Variants in ADGRE5 observed in about 807,000 individuals in gnomAD.
ADGRE5 encodes adhesion G protein-coupled receptor E5, also known as CD97 molecule.
In ADGRE5, 72 loss-of-function variants were observed where a neutral mutation model predicts 100.3. The ratio of observed to expected loss-of-function variants is 0.72; its 90% CI spans 0.59 to 0.87. The LOEUF (loss-of-function observed/expected upper bound fraction) is 0.87, where lower values mean the gene tolerates loss of function less well. Among genes scored for constraint, ADGRE5 ranks in the 40% least tolerant of loss-of-function variants. ADGRE5 has a pLI of 0.00. For missense variants in ADGRE5, 959 were observed against 1,094.7 expected (o/e 0.88, Z 1.75); for synonymous variants, 439 against 447.8 (o/e 0.98, Z 0.25).
Position 14,406,405 on chromosome 19 carries a change from C to T in ADGRE5, c.1896C>T (p.Leu632=), listed in dbSNP as rs773386653. 6.3e-7 allele frequency: 1 copy of T among 1,593,168 alleles called. No homozygotes were observed. Among genetic ancestry groups the T allele is most frequent in the Non-Finnish European group, 8.5e-7 (1 of 1,170,472 alleles). ...CFLAAFCWMS[L]EGLELYFLVV... ...TGGCCGCCTTCTGCTGGATGAGCCT[C>T]GAAGGCCTGGAGCTCTACTTTCTTG... Residue 632 remains leucine, a synonymous_variant, in exon 15 of 20, where the codon CTC becomes CTT. Transcript: ENST00000242786. This position sits in a 1 kb window ranked among gnomAD's most constrained non-coding sequence, Gnocchi z 6.0.
In ADGRE5 at chr19:14,406,755, T is replaced by G. The variant is rs757181424; in HGVS notation, c.2104T>G (p.Phe702Val). 6.2e-7 allele frequency: 1 copy of G among 1,614,036 alleles called. No individual in the cohort carries two copies. The highest frequency in any genetic ancestry group is 2.2e-5 in the East Asian group (1 of 44,860). Residue 702 changes from phenylalanine (F) to valine (V), a missense_variant, in exon 16 of 20, where the codon TTC becomes GTC. Phe to Val is a conservative substitution (Grantham distance 50). Coordinates refer to ENST00000242786, the MANE Select transcript of ADGRE5 (RefSeq NM_078481.4). This position sits in a 1 kb window ranked among gnomAD's most constrained non-coding sequence, Gnocchi z 6.0. Reference sequence around the variant, plus strand: ...CTGGAGCTTCTTGGGACCTGTGACCTTCATCATTTTGGTAAGTACCCACTC... The same window carrying G: ...CTGGAGCTTCTTGGGACCTGTGACCGTCATCATTTTGGTAAGTACCCACTC... ...FLWSFLGPVT[F>V]IILCNAVIFV...
chr19:14,405,847 G>A lies in ADGRE5; in HGVS notation c.1729G>A (p.Gly577Ser). Residue 577 changes from glycine to serine, a missense_variant, in exon 14 of 20, where the codon GGC (glycine) becomes AGC (serine). Physicochemically the swap from Gly to Ser is moderately conservative, Grantham distance 56. Transcript: ENST00000242786. ...TTTCCTGCTGGTGCGGCCCATCCAGGGCTCGCGCACCACCATACACCTGCA... is the reference window on the plus strand; with the variant it reads ...TTTCCTGCTGGTGCGGCCCATCCAGAGCTCGCGCACCACCATACACCTGCA... The part of the protein sequence containing the change: ...LTFLLVRPIQ[G>S]SRTTIHLHLC... The A allele has an allele frequency of 6.2e-7, 1 of 1,613,358 alleles. No homozygotes were observed. Among genetic ancestry groups the A allele is most frequent in the Non-Finnish European group, 8.5e-7 (1 of 1,179,986 alleles).
chr19:14,399,563 C>CAAAAAAAAAAAA (rs764605166), intron 9 of ADGRE5, among the ~76,000 whole-genome samples: 1 of 31,826 alleles, frequency 3.1e-5, no homozygotes, highest in African/African-American at 9.8e-5. Context: ...GACTCCGTCT[C>CAAAAAAAAAAAA]AAAAAAAAAA....
Position 14,406,402 on chromosome 19 carries a change from C to G in ADGRE5, c.1893C>G (p.Ser631Arg). The G allele has an allele frequency of 6.3e-7, 1 of 1,592,944 alleles. No individual in the cohort carries two copies. Among genetic ancestry groups the G allele is most frequent in the Non-Finnish European group, 8.5e-7 (1 of 1,170,410 alleles). Residue 631 changes from serine to arginine, a missense_variant, in exon 15 of 20, where the codon AGC becomes AGG. Physicochemically the swap from Ser to Arg is moderately radical, Grantham distance 110 (BLOSUM62 -1). This residue lies in a region of ADGRE5 where 428 missense variants were observed against 386.2 expected (regional missense o/e 1.11). Coordinates refer to ENST00000242786, the MANE Select transcript of ADGRE5 (RefSeq NM_078481.4). The surrounding 1 kb of genome is among the most constrained non-coding windows in gnomAD (Gnocchi z 6.0). ...TCCTGGCCGCCTTCTGCTGGATGAGCCTCGAAGGCCTGGAGCTCTACTTTC... is the reference window on the plus strand; with the variant it reads ...TCCTGGCCGCCTTCTGCTGGATGAGGCTCGAAGGCCTGGAGCTCTACTTTC... ...YCFLAAFCWM[S>R]LEGLELYFLV...
intron 3 of ADGRE5, among the ~76,000 whole-genome samples, chr19:14,390,425 G>A (rs1253835228): frequency 6.6e-6 from 1 of 150,588 alleles, no homozygotes; most frequent in Non-Finnish European, 1.5e-5. Flanking sequence ...CTAGGTTCAA[G>A]CGATCCTCCT....
chr19:14,407,902 C>T lies in ADGRE5; in HGVS notation c.2377-6C>T, dbSNP rs371404297. 1.5e-5 allele frequency: 25 copies of T among 1,613,444 alleles called. No homozygotes were observed. In the African/African-American group the frequency reaches 1.6e-4, roughly 10 times the overall value. On this transcript the variant is annotated splice_region_variant and splice_polypyrimidine_tract_variant and intron_variant, in intron 18 of 19. Coordinates refer to ENST00000242786, the MANE Select transcript of ADGRE5 (RefSeq NM_078481.4). ...TCCTGCCCTGACTTGGTGTCTGGGC[C>T]GGCAGGTTCGGGAAGAATACCGGAA...
chr19:14,384,081 T>C, intron 1 of ADGRE5, among the ~76,000 whole-genome samples: 1 of 152,070 alleles, frequency 6.6e-6, no homozygotes, highest in Non-Finnish European at 1.5e-5. Flanking sequence ...GAGGTCATTT[T>C]GTGGTCTGTT....
In ADGRE5 at chr19:14,401,068, G is replaced by A. The variant is rs577432037; in HGVS notation, c.898-318G>A. Among the ~76,000 whole-genome samples the A allele has an allele frequency of 2.6e-5, 4 of 152,204 alleles. No homozygotes were observed. Among genetic ancestry groups the A allele is most frequent in the African/African-American group, 7.2e-5 (3 of 41,528 alleles). On this transcript the variant is annotated intron_variant, in intron 9 of 19. Transcript: ENST00000242786. The surrounding 1 kb of genome is among the most constrained non-coding windows in gnomAD (Gnocchi z 4.1). ...GAGTCTGGGAGGTGGAGGTTGCAGT[G>A]AGCTGATTATGCCACTGCACTCAAG...
Position 14,397,915 on chromosome 19 carries a change from C to G in ADGRE5, c.799C>G (p.Pro267Ala). 7.6e-7 allele frequency: 1 copy of G among 1,324,058 alleles called. No homozygotes were observed. Among genetic ancestry groups the G allele is most frequent in the South Asian group, 1.3e-5 (1 of 76,668 alleles). 82.0% of individuals were successfully genotyped at this position (1,324,058 alleles called of 1,614,324 possible). A position where few individuals can be genotyped will look rare whatever the true frequency, so the allele number is the denominator to read the frequency against. ...EDMTFSTWTPPPGVHSQTLSR... is the reference protein window; with the variant it reads ...EDMTFSTWTPAPGVHSQTLSR... ...TATGACTTTCTCCACCTGGACCCCG[C>G]CCCCTGGAGTCCACAGCCAGGTGAG... Residue 267 changes from proline to alanine, a missense_variant, in exon 8 of 20, where the codon CCC becomes GCC. Physicochemically the swap from Pro to Ala is conservative, Grantham distance 27. This residue lies in a region of ADGRE5 where 69 missense variants were observed against 135.0 expected (regional missense o/e 0.51). Transcript: ENST00000242786.
In ADGRE5 at chr19:14,406,307, C is replaced by A; in HGVS notation, c.1822-24C>A. ...GCCCCTCCCCGCGCTGACGTCGCTC[C>A]GCCCCTCCGTCCCCGCCCCGCAGGT... is the stretch of plus-strand genomic sequence containing the variant. On this transcript the variant is annotated intron_variant, in intron 14 of 19. Transcript: ENST00000242786. The surrounding 1 kb of genome is among the most constrained non-coding windows in gnomAD (Gnocchi z 6.0). 1 of 1,521,838 alleles carries A rather than the reference C, an allele frequency of 6.6e-7. No individual in the cohort carries two copies. The allele number at this position is 1,521,838 out of a possible 1,614,324, so 94.3% of individuals were successfully genotyped here.
chr19:14,394,327 C>T (rs1975700335), intron 4 of ADGRE5, among the ~76,000 whole-genome samples: 1 of 152,074 alleles, frequency 6.6e-6, no homozygotes, highest in Non-Finnish European at 1.5e-5. Flanking sequence ...CTCCAGGCTT[C>T]GCTATTGCAC....
At position 14,390,946 on chromosome 19, in the gene ADGRE5, G is replaced by A. The variant is rs747603588; in HGVS notation, c.213G>A (p.Pro71=). 2.2e-5 allele frequency: 36 copies of A among 1,614,100 alleles called. No individual in the cohort carries two copies. Among genetic ancestry groups the A allele is most frequent in the Non-Finnish European group, 2.7e-5 (32 of 1,180,052 alleles). Residue 71 remains proline (P), a synonymous_variant, in exon 4 of 20, where the codon CCG becomes CCA. Coordinates refer to ENST00000242786, the MANE Select transcript of ADGRE5 (RefSeq NM_078481.4). ...CAGACATCAACGAGTGTGCAACACC[G>A]TCGAAAGTGTCATGCGGAAAATTCT... ...TCDDINECAT[P]SKVSCGKFSD... is the part of the protein sequence containing the mutation.
At chr19:14,404,721 C>T (rs1599633150) in intron 13 of ADGRE5, 159 bp downstream of exon 13, 1 of 642,604 alleles carries the variant, frequency 1.6e-6, no homozygotes, top group East Asian at 3.0e-5. Flanking sequence ...GCAGCCTCTT[C>T]CTTTGGCCTC....
In ADGRE5 at chr19:14,388,769, G is replaced by T; in HGVS notation, c.141G>T (p.Gly47=). 6.2e-7 allele frequency: 1 copy of T among 1,613,892 alleles called. No homozygotes were observed. Among genetic ancestry groups the T allele is most frequent in the Non-Finnish European group, 8.5e-7 (1 of 1,180,016 alleles). ...CCACCGCCTGTCGCTGCAATCCAGGGTTCAGCTCTTTTTCTGAGATCATCA... is the reference window on the plus strand; with the variant it reads ...CCACCGCCTGTCGCTGCAATCCAGGTTTCAGCTCTTTTTCTGAGATCATCA... ...VNATACRCNP[G]FSSFSEIITT... The change falls in exon 3 of 20, where the codon GGG becomes GGT. Residue 47 remains glycine, a synonymous_variant. Coordinates refer to ENST00000242786, the MANE Select transcript of ADGRE5 (RefSeq NM_078481.4).
intron 1 of ADGRE5, among the ~76,000 whole-genome samples, chr19:14,385,620 G>T (rs956718841): frequency 5.9e-5 from 9 of 151,376 alleles, no homozygotes; most frequent in Non-Finnish European, 1.0e-4. Flanking sequence ...TCCTGTGGGA[G>T]GGGGGCCCGG....
intron 4 of ADGRE5, among the ~76,000 whole-genome samples, chr19:14,392,783 A>G (rs1221541682): frequency 6.6e-6 from 1 of 151,886 alleles, no homozygotes. Context: ...CATGCCTGTA[A>G]TCCCAGCTAC....
intron 9 of ADGRE5, among the ~76,000 whole-genome samples, chr19:14,399,326 G>A (rs1443512128): frequency 6.6e-6 from 1 of 151,570 alleles, no homozygotes; most frequent in South Asian, 2.1e-4. Flanking sequence ...ACTTTGGGAG[G>A]CTGAGGCAGG....
In ADGRE5 at chr19:14,392,719, A is replaced by G. The variant is rs899078131; in HGVS notation, c.346+1640A>G. Among the ~76,000 whole-genome samples, 4 of 151,996 alleles carry G rather than the reference A, an allele frequency of 2.6e-5. No homozygotes were observed. The South Asian group carries it at 8.3e-4, about 32-fold the overall frequency. On this transcript the variant is annotated intron_variant, in intron 4 of 19. Transcript: ENST00000242786. ...GGAGTTCAAGACCAGCCTGGCCAAC[A>G]TGGCGAAACCCTGTGTCTACTAAAA... is the stretch of plus-strand genomic sequence containing the variant.
At position 14,381,545 on chromosome 19, in the gene ADGRE5, G is replaced by T. The variant is rs367758297; in HGVS notation, c.22G>T (p.Ala8Ser). 27 of 1,607,464 alleles carry T rather than the reference G, an allele frequency of 1.7e-5. No individual in the cohort carries two copies. In the East Asian group the frequency reaches 1.8e-4, roughly 11 times the overall value. The change falls in exon 1 of 20, where the codon GCA becomes TCA. Residue 8 changes from alanine (A) to serine (S), a missense_variant and splice_region_variant. By Grantham distance (99) the Ala-to-Ser change is moderately conservative. Coordinates refer to ENST00000242786, the MANE Select transcript of ADGRE5 (RefSeq NM_078481.4). MGGRVFL[A>S]FCVWLTLPGA... ...AACCATGGGAGGCCGCGTCTTTCTC[G>T]GTAAGTACTTTGGGGCCCCGCTGGG...
Sources: allele counts gnomAD v4.1 joint callset (sites outside exome capture counted in the v4.1 genomes callset), GRCh38; gene constraint gnomAD v4.1.1; regional missense constraint gnomAD v4.1.1; non-coding constraint Gnocchi (gnomAD v3.1); transcripts MANE v1.5; gene names NCBI Gene and HGNC (gene_info 2026-07-23, HGNC 2026-07-21).